CUL3: variants seen among roughly 807,000 people sequenced by gnomAD.
The protein encoded by CUL3 is cullin 3.
Under a neutral mutation model 89.1 loss-of-function variants are expected in CUL3, and 19 were observed. That is an observed-to-expected ratio of 0.21 (90% CI 0.15 to 0.31). The LOEUF (loss-of-function observed/expected upper bound fraction) is 0.31. Ranked by LOEUF, CUL3 falls within the 10% of genes least tolerant of loss-of-function variation. The probability of loss-of-function intolerance (pLI) is 1.00; values close to 1 mark genes in which losing one functional copy is unlikely to be tolerated. For missense variants in CUL3, 469 were observed against 942.3 expected (o/e 0.50, Z 6.58); for synonymous variants, 351 against 308.4 (o/e 1.14, Z -1.45).
At chr2:224,557,278 AT>A (rs530973625) in intron 2 of CUL3, among the ~76,000 whole-genome samples, 5 of 152,152 alleles carry the variant, frequency 3.3e-5, no homozygotes, top group Non-Finnish European at 7.4e-5. Flanking sequence ...CATCTTAGAA[AT>A]ATATTTTAAA....
intron 1 of CUL3, among the ~76,000 whole-genome samples, chr2:224,559,698 T>C (rs868226926): frequency 3.3e-4 from 50 of 152,170 alleles, no homozygotes; most frequent in African/African-American, 1.1e-3. Context: ...CAGTGACTTC[T>C]ATATTGCCAA....
Position 224,511,561 on chromosome 2 carries a change from C to A in CUL3, c.676G>T (p.Ala226Ser), listed in dbSNP as rs2106216221. The change falls in exon 6 of 16, where the codon GCA (alanine) becomes TCA (serine). Residue 226 changes from alanine (A) to serine (S), a missense_variant. By Grantham distance (99) the Ala-to-Ser change is moderately conservative. Coordinates refer to ENST00000264414, the MANE Select transcript of CUL3 (RefSeq NM_003590.5). ...ATATATACTGAAGCACTATTTTCTG[C>A]TAAAAATTTCTGGCTTTCCATCTGC... ...FFQMESQKFL[A>S]ENSASVYIKK... is the part of the protein sequence containing the mutation. 1 of 1,577,802 alleles carries A rather than the reference C, an allele frequency of 6.3e-7. No individual in the cohort carries two copies. Among genetic ancestry groups the A allele is most frequent in the Non-Finnish European group, 8.6e-7 (1 of 1,165,870 alleles).
At chr2:224,519,793 T>C (rs1369629560) in intron 3 of CUL3, among the ~76,000 whole-genome samples, 3 of 152,190 alleles carry the variant, frequency 2.0e-5, no homozygotes, top group Non-Finnish European at 4.4e-5. Context: ...GCACATGATA[T>C]GATTCTAATA....
chr2:224,547,531 C>T (rs1449639560), intron 2 of CUL3, among the ~76,000 whole-genome samples: 1 of 152,050 alleles, frequency 6.6e-6, no homozygotes, highest in Admixed American at 6.5e-5. Flanking sequence ...AAGTAACTCC[C>T]CCTCAAATCT....
At chr2:224,496,569 C>T (rs1323812626) in intron 12 of CUL3, among the ~76,000 whole-genome samples, 1 of 152,060 alleles carries the variant, frequency 6.6e-6, no homozygotes, top group Non-Finnish European at 1.5e-5. Flanking sequence ...TAACAGTACA[C>T]TATGGGATGA....
chr2:224,503,132 C>T (rs1692454118), intron 9 of CUL3, 60 bp from the exon 10 acceptor site: 1 of 1,056,302 alleles, frequency 9.5e-7, no homozygotes, highest in Middle Eastern at 2.1e-4. Flanking sequence ...TGAGAAAGTA[C>T]AGAAAGAAAT....
chr2:224,538,278 T>C (rs7595263), intron 2 of CUL3, among the ~76,000 whole-genome samples: 28,889 of 152,142 alleles, frequency 0.19, 3,074 homozygotes, highest in South Asian at 0.27. Flanking sequence ...CTGTAGAAAA[T>C]TAGTTGAAAG....
At chr2:224,528,963 A>T (rs1013476396) in intron 3 of CUL3, among the ~76,000 whole-genome samples, 1 of 152,202 alleles carries the variant, frequency 6.6e-6, no homozygotes, top group Non-Finnish European at 1.5e-5. Flanking sequence ...AATTCTCCAT[A>T]AAGTTTTGCA....
At chr2:224,527,029 T>C (rs2106247893) in intron 3 of CUL3, among the ~76,000 whole-genome samples, 1 of 152,298 alleles carries the variant, frequency 6.6e-6, no homozygotes, top group Admixed American at 6.5e-5. Context: ...GTATGTGACT[T>C]CTAACTATAA....
At chr2:224,500,913 C>T (rs1368388525) in intron 10 of CUL3, among the ~76,000 whole-genome samples, 1 of 151,902 alleles carries the variant, frequency 6.6e-6, no homozygotes, top group Admixed American at 6.6e-5. Flanking sequence ...CGTGAGACAT[C>T]GCACCCGGCA....
chr2:224,551,205 A>ATT (rs1211420165), intron 2 of CUL3, among the ~76,000 whole-genome samples: 123 of 133,982 alleles, frequency 9.2e-4, no homozygotes, highest in African/African-American at 2.3e-3. Flanking sequence ...AAGCCCGGCA[A>ATT]TTTTTTTTTT....
intron 10 of CUL3, among the ~76,000 whole-genome samples, chr2:224,501,346 AAATATCTGTACAATG>A (rs1211643117): frequency 6.6e-6 from 1 of 152,244 alleles, no homozygotes; most frequent in Non-Finnish European, 1.5e-5. Flanking sequence ...GGTGCTCTAC[AAATATCTGTACAATG>A]AATAACTACT....
intron 1 of CUL3, among the ~76,000 whole-genome samples, chr2:224,570,664 A>T (rs1330618612): frequency 6.6e-6 from 1 of 152,240 alleles, no homozygotes; most frequent in Non-Finnish European, 1.5e-5. Flanking sequence ...AAAAAAGATT[A>T]TCAATTAGAA....
rs945708001 is a variant in CUL3, at chr2:224,471,429, C to T, written c.*2816G>A. 2.0e-5 allele frequency: 4 copies of T among 198,052 alleles called. No individual in the cohort carries two copies. Among genetic ancestry groups the T allele is most frequent in the South Asian group, 3.8e-4 (2 of 5,206 alleles). 12.3% of individuals were successfully genotyped at this position (198,052 alleles called of 1,614,324 possible). On this transcript the variant is annotated 3_prime_UTR_variant, in exon 16 of 16. Coordinates refer to ENST00000264414, the MANE Select transcript of CUL3 (RefSeq NM_003590.5). ...AAGATGATGCCAGTGTACTAGTCTTCTAGAGATGTAGGCATAATCTTAAAA... is the reference window on the plus strand; with the variant it reads ...AAGATGATGCCAGTGTACTAGTCTTTTAGAGATGTAGGCATAATCTTAAAA...
At chr2:224,548,379 A>G (rs1321912626) in intron 2 of CUL3, among the ~76,000 whole-genome samples, 2 of 152,238 alleles carry the variant, frequency 1.3e-5, no homozygotes, top group Non-Finnish European at 2.9e-5. Flanking sequence ...TCGGAGTAAG[A>G]TATTATTTGA....
chr2:224,531,757 C>A (rs779780652), intron 3 of CUL3, among the ~76,000 whole-genome samples: 1 of 151,972 alleles, frequency 6.6e-6, no homozygotes, highest in African/African-American at 2.4e-5. Context: ...AAAAAAAATT[C>A]TAGAAACATT....
intron 2 of CUL3, among the ~76,000 whole-genome samples, chr2:224,551,994 TA>T (rs1694531822): frequency 6.6e-6 from 1 of 152,218 alleles, no homozygotes; most frequent in African/African-American, 2.4e-5. Context: ...ATTTTATAAC[TA>T]AATACTTGTT....
In CUL3 at chr2:224,572,630, GAAAAAAAA is replaced by G. The variant is rs67105454; in HGVS notation, c.66+12306_66+12313del. On this transcript the variant is annotated intron_variant, in intron 1 of 15. Coordinates refer to ENST00000264414, the MANE Select transcript of CUL3 (RefSeq NM_003590.5). ...CAATCCAGCCTGGGTGAGAGTGAGA[GAAAAAAAA>G]AAAAAAAAAAAAAAGGTGGGGTCTT... is the stretch of plus-strand genomic sequence containing the variant. Among the ~76,000 whole-genome samples, 48 of 86,288 alleles carry G rather than the reference GAAAAAAAA, an allele frequency of 5.6e-4. No homozygotes were observed. In the Middle Eastern group the frequency reaches 0.021, roughly 37 times the overall value. 56.6% of individuals were successfully genotyped at this position (86,288 alleles called of 152,430 possible). A position where few individuals can be genotyped will look rare whatever the true frequency, so the allele number is the denominator to read the frequency against.
At chr2:224,489,237 A>T (rs182707975) in intron 13 of CUL3, among the ~76,000 whole-genome samples, 1 of 152,358 alleles carries the variant, frequency 6.6e-6, no homozygotes, top group African/African-American at 2.4e-5. Context: ...TATTCAACAT[A>T]GGATTGCAAG....
Sources: allele counts gnomAD v4.1 joint callset (sites outside exome capture counted in the v4.1 genomes callset), GRCh38; gene constraint gnomAD v4.1.1; transcripts MANE v1.5; gene names NCBI Gene and HGNC (gene_info 2026-07-23, HGNC 2026-07-21).